The following MYO16 variants were observed in gnomAD, a reference collection of about 807,000 sequenced individuals.
The protein encoded by MYO16 is unconventional myosin-XVI.
In MYO16, 94 loss-of-function variants were observed where a neutral mutation model predicts 205.3. That is an observed-to-expected ratio of 0.46 (90% CI 0.39 to 0.54). The LOEUF is 0.54. Ranked by LOEUF, MYO16 falls within the 20% of genes least tolerant of loss-of-function variation. The probability of loss-of-function intolerance (pLI) is 0.00; values close to 1 mark genes in which losing one functional copy is unlikely to be tolerated. For missense variants in MYO16, 2,315 were observed against 2,387.5 expected, an observed-to-expected ratio of 0.97 and a Z score of 0.63; for synonymous variants, 988 against 954.0, an observed-to-expected ratio of 1.04 and a Z score of -0.66.
chr13:108,667,487 T>C (rs1881793388), intron 2 of MYO16, among the ~76,000 whole-genome samples: 1 of 152,166 alleles, frequency 6.6e-6, no homozygotes, highest in African/African-American at 2.4e-5. Context: ...ACTCTGATCT[T>C]TCATTTTATT....
intron 33 of MYO16, among the ~76,000 whole-genome samples, chr13:109,177,517 A>ACTAT (rs770580403): frequency 1.1e-4 from 16 of 151,084 alleles, no homozygotes; most frequent in Non-Finnish European, 1.9e-4. Context: ...TTATTTATTT[A>ACTAT]TTATTTATTT....
chr13:108,897,523 G>A (rs1368428009), intron 14 of MYO16, among the ~76,000 whole-genome samples: 1 of 152,200 alleles, frequency 6.6e-6, no homozygotes, highest in African/African-American at 2.4e-5. Flanking sequence ...ATAAATGGGG[G>A]TCAGGGTTGA....
At chr13:108,688,748 A>G (rs1398751281) in intron 2 of MYO16, among the ~76,000 whole-genome samples, 1 of 152,226 alleles carries the variant, frequency 6.6e-6, no homozygotes, top group Non-Finnish European at 1.5e-5. Flanking sequence ...AAGAATACAC[A>G]GTTGTATAAA....
At chr13:108,795,952 G>T (rs993267328) in intron 6 of MYO16, among the ~76,000 whole-genome samples, 1 of 152,224 alleles carries the variant, frequency 6.6e-6, no homozygotes, top group Non-Finnish European at 1.5e-5. Flanking sequence ...GCACAGTGGG[G>T]CTGTGAAGGG....
chr13:108,617,381 T>C (rs67157967), intron 1 of MYO16, among the ~76,000 whole-genome samples: 23,332 of 152,190 alleles, frequency 0.15, 1,975 homozygotes, highest in Middle Eastern at 0.2. Flanking sequence ...TCATTCCTTC[T>C]ATGCATTCTG....
At chr13:109,016,124 A>T (rs941105786) in intron 22 of MYO16, among the ~76,000 whole-genome samples, 1 of 152,064 alleles carries the variant, frequency 6.6e-6, no homozygotes, top group Non-Finnish European at 1.5e-5. Context: ...CCCTCTACAC[A>T]CTGATTTAAA....
intron 4 of MYO16, among the ~76,000 whole-genome samples, chr13:108,774,296 AGGGAATGATATATTTGAGTTTCATGTG>A (rs1406858983): frequency 6.6e-6 from 1 of 152,168 alleles, no homozygotes; most frequent in Non-Finnish European, 1.5e-5. Context: ...TTCCATTTGT[AGGGAATGATATATTTGAGTTTCATGTG>A]GGGAATGATA....
At position 108,914,324 on chromosome 13, in the gene MYO16, A is replaced by G. The variant is rs1881395757; in HGVS notation, c.1925+4174A>G. ...ACATCTTCTTGTCTGATGTTTTTCA[A>G]AATAATATTGCTATTCCTATGATGT... On this transcript the variant is annotated intron_variant, in intron 16 of 34. Coordinates refer to ENST00000457511, the MANE Select transcript of MYO16 (RefSeq NM_001198950.3). Among the ~76,000 whole-genome samples the G allele has an allele frequency of 2.6e-5, 4 of 151,842 alleles. No individual in the cohort carries two copies. In the South Asian group the frequency reaches 8.3e-4, roughly 32 times the overall value.
chr13:108,536,533 G>C, the MYO16 span, among the ~76,000 whole-genome samples: 1 of 152,020 alleles, frequency 6.6e-6, no homozygotes, highest in Non-Finnish European at 1.5e-5. Flanking sequence ...CCTTGGACAA[G>C]TTACATAACC....
chr13:108,533,807 T>G, the MYO16 span, among the ~76,000 whole-genome samples: 2 of 152,226 alleles, frequency 1.3e-5, no homozygotes, highest in African/African-American at 4.8e-5. Context: ...AAAATGGCCT[T>G]GAAGGAAAAA....
At chr13:108,614,953 A>G (rs1025422459) in intron 1 of MYO16, among the ~76,000 whole-genome samples, 2 of 152,118 alleles carry the variant, frequency 1.3e-5, no homozygotes, top group Non-Finnish European at 2.9e-5. Flanking sequence ...AAAAATGGTA[A>G]TTTGAGCTAC....
chr13:108,871,358 G>GTGTT (rs1879052589), intron 12 of MYO16, among the ~76,000 whole-genome samples: 1 of 135,292 alleles, frequency 7.4e-6, no homozygotes, highest in African/African-American at 2.8e-5. Flanking sequence ...GTGTGTGTGT[G>GTGTT]TGTGTCTGTG....
intron 1 of MYO16, among the ~76,000 whole-genome samples, chr13:108,630,150 A>C (rs1200847155): frequency 1.3e-5 from 2 of 152,124 alleles, no homozygotes; most frequent in Non-Finnish European, 2.9e-5. Context: ...CAGAAAAAAA[A>C]AAAAACACCA....
the MYO16 span, among the ~76,000 whole-genome samples, chr13:108,582,671 G>A: frequency 1.3e-5 from 2 of 152,160 alleles, no homozygotes; most frequent in African/African-American, 4.8e-5. Flanking sequence ...GAGAAGACTG[G>A]ATATATGAGT....
At chr13:109,076,602 A>G (rs1023636761) in intron 27 of MYO16, among the ~76,000 whole-genome samples, 7 of 152,152 alleles carry the variant, frequency 4.6e-5, no homozygotes, top group African/African-American at 1.7e-4. Context: ...TCCATGCTCC[A>G]TCTCAAGAAA....
chr13:109,049,553 A>C (rs990643610), intron 24 of MYO16, among the ~76,000 whole-genome samples: 2 of 148,496 alleles, frequency 1.3e-5, no homozygotes, highest in African/African-American at 2.5e-5. Context: ...TCATGTTTTC[A>C]GTTTTTTAAA....
chr13:108,559,942 C>A, the MYO16 span, among the ~76,000 whole-genome samples: 7 of 152,100 alleles, frequency 4.6e-5, no homozygotes, highest in Non-Finnish European at 1.0e-4. Flanking sequence ...GCACTATGAC[C>A]AGATATTCAA....
At position 108,875,060 on chromosome 13, in the gene MYO16, G is replaced by A. The variant is rs556298785; in HGVS notation, c.1426-7999G>A. 2.0e-5 allele frequency among the ~76,000 whole-genome samples: 3 copies of A among 152,278 alleles called. No homozygotes were observed. The South Asian group carries it at 6.2e-4, about 32-fold the overall frequency. On this transcript the variant is annotated intron_variant, in intron 12 of 34. Coordinates refer to ENST00000457511, the MANE Select transcript of MYO16 (RefSeq NM_001198950.3). ...GAAATATAATGACCAGTGAAGAAAA[G>A]GAGGGACTTTATCCATTAAGAAGGA...
Position 108,784,487 on chromosome 13 carries a change from A to G in MYO16, c.508-1148A>G, listed in dbSNP as rs568804507. ...AAGATACGGAATATTTTACCACGTT[A>G]AGCTACTTTTTTGTTTGTTTTGGGT... On this transcript the variant is annotated intron_variant, in intron 4 of 34. Transcript: ENST00000457511. Among the ~76,000 whole-genome samples the G allele has an allele frequency of 1.1e-4, 16 of 152,324 alleles. No individual in the cohort carries two copies. In the South Asian group the frequency reaches 3.1e-3, roughly 30 times the overall value.
Sources: allele counts gnomAD v4.1 joint callset (sites outside exome capture counted in the v4.1 genomes callset), GRCh38; gene constraint gnomAD v4.1.1; transcripts MANE v1.5; gene names NCBI Gene and HGNC (gene_info 2026-07-23, HGNC 2026-07-21).